FMO1: variants seen among roughly 807,000 people sequenced by gnomAD.
The protein encoded by FMO1 is flavin-containing monooxygenase 1.
In FMO1, 36 loss-of-function variants were observed where a neutral mutation model predicts 45.4. The ratio of observed to expected loss-of-function variants is 0.79; its 90% CI spans 0.61 to 1.05. FMO1 has a LOEUF of 1.05. FMO1 is among the 50% of genes least tolerant of loss of function. FMO1 has a pLI of 0.00. For synonymous variants in FMO1, 228 were observed against 227.2 expected (o/e 1.00, Z -0.03); for missense variants, 615 against 640.3 (o/e 0.96, Z 0.43).
intron 3 of FMO1, among the ~76,000 whole-genome samples, chr1:171,269,389 C>T (rs1262322939): frequency 6.6e-6 from 1 of 152,048 alleles, no homozygotes; most frequent in Non-Finnish European, 1.5e-5. Flanking sequence ...GAGATGGTCT[C>T]AGATGGAGAG....
chr1:171,272,902 G>T lies in FMO1; in HGVS notation c.322-2444G>T, dbSNP rs372736123. Among the ~76,000 whole-genome samples the T allele has an allele frequency of 5.3e-5, 8 of 152,198 alleles. No homozygotes were observed. In the East Asian group the frequency reaches 7.7e-4, roughly 15 times the overall value. On this transcript the variant is annotated intron_variant, in intron 3 of 8. Coordinates refer to ENST00000617670, the MANE Select transcript of FMO1 (RefSeq NM_001282693.2). ...ATGCTGAAATGAGTTAAGACCTTGG[G>T]GGGGAACTGTTGGGAAGGCATAATT...
At chr1:171,262,233 G>A (rs1000554353) in intron 2 of FMO1, among the ~76,000 whole-genome samples, 4 of 151,922 alleles carry the variant, frequency 2.6e-5, no homozygotes, top group Admixed American at 1.3e-4. Flanking sequence ...TCAGGAGTTC[G>A]AGACCAGCCT....
At chr1:171,270,806 G>T (rs904332340) in intron 3 of FMO1, 16 of 770,690 alleles carry the variant, frequency 2.1e-5, no homozygotes, top group Middle Eastern at 4.3e-4. Flanking sequence ...TCGGTAGTGT[G>T]TTAACTTTAT....
intron 3 of FMO1, chr1:171,270,881 T>G: frequency 1.4e-6 from 1 of 705,020 alleles, no homozygotes; most frequent in Non-Finnish European, 2.3e-6. Flanking sequence ...TTTTTTTCTT[T>G]AAAAGGAGTG....
chr1:171,264,032 C>T (rs1558007946), intron 2 of FMO1, among the ~76,000 whole-genome samples: 1 of 152,140 alleles, frequency 6.6e-6, no homozygotes, highest in Non-Finnish European at 1.5e-5. Flanking sequence ...TAGATTTTAT[C>T]CTAAGGGCTA....
At chr1:171,255,857 A>G (rs1275915203) in intron 1 of FMO1, among the ~76,000 whole-genome samples, 1 of 152,218 alleles carries the variant, frequency 6.6e-6, no homozygotes, top group South Asian at 2.1e-4. Context: ...TAGAGCCAGC[A>G]TGCTTCTGTG....
At chr1:171,283,106 C>T (rs1222062144) in intron 7 of FMO1, 38 bp from the exon 8 acceptor site, 3 of 1,105,486 alleles carry the variant, frequency 2.7e-6, no homozygotes, top group African/African-American at 3.2e-5. Flanking sequence ...TAGACCTAAA[C>T]TTAAGTTGCA....
chr1:171,280,741 C>T (rs745663159), intron 5 of FMO1, 45 bp from the exon 6 acceptor site: 9 of 1,533,470 alleles, frequency 5.9e-6, no homozygotes, highest in South Asian at 3.4e-5. Flanking sequence ...ACCAGCCAGC[C>T]GTGTTCACAG....
At chr1:171,273,632 C>T (rs563017111) in intron 3 of FMO1, among the ~76,000 whole-genome samples, 2 of 152,188 alleles carry the variant, frequency 1.3e-5, no homozygotes, top group Admixed American at 6.5e-5. Context: ...TTCAGCCTCC[C>T]CACTATTAAT....
At chr1:171,283,341 T>G in intron 8 of FMO1, 125 bp downstream of exon 8, 7 of 474,664 alleles carry the variant, frequency 1.5e-5, no homozygotes, top group Non-Finnish European at 1.8e-5. Context: ...AGATGAAAGT[T>G]ACATTGGAGA....
At chr1:171,270,926 G>A (rs1002252345) in intron 3 of FMO1, 21 of 784,914 alleles carry the variant, frequency 2.7e-5, no homozygotes, top group African/African-American at 1.7e-4. Context: ...CTTTATAGAC[G>A]AGAAAAAAAA....
chr1:171,261,088 C>T (rs1660361297), intron 2 of FMO1, among the ~76,000 whole-genome samples: 1 of 152,046 alleles, frequency 6.6e-6, no homozygotes, highest in Non-Finnish European at 1.5e-5. Context: ...GAAACACATA[C>T]AAAAGCTGAA....
At chr1:171,250,748 A>ACCCAT (rs1659848998) in intron 1 of FMO1, among the ~76,000 whole-genome samples, 2 of 152,166 alleles carry the variant, frequency 1.3e-5, no homozygotes, top group Non-Finnish European at 2.9e-5. Context: ...ACCCATTGGC[A>ACCCAT]TCTACCTTCC....
chr1:171,253,263 T>C (rs1039202107), intron 1 of FMO1, among the ~76,000 whole-genome samples: 5 of 152,214 alleles, frequency 3.3e-5, no homozygotes, highest in African/African-American at 7.2e-5. Flanking sequence ...GTTTACCCCA[T>C]GGCTCTGATT....
chr1:171,278,855 G>A lies in FMO1; in HGVS notation c.611G>A (p.Ser204Asn). Residue 204 changes from serine (S) to asparagine (N), a missense_variant, in exon 5 of 9, where the codon AGC becomes AAC. By Grantham distance (46) the Ser-to-Asn change is conservative (BLOSUM62 1). Transcript: ENST00000617670. ...GGCACAGACATTGCTGTGGAGGCCA[G>A]CCACCTGGCGGAAAAGGTACATTCC... ...NSGTDIAVEA[S>N]HLAEKVFLST... 1 of 1,611,258 alleles carries A rather than the reference G, an allele frequency of 6.2e-7. No homozygotes were observed. The highest frequency in any genetic ancestry group is 2.2e-5 in the East Asian group (1 of 44,844).
intron 2 of FMO1, among the ~76,000 whole-genome samples, chr1:171,261,072 C>T (rs1006368033): frequency 2.6e-5 from 4 of 152,020 alleles, no homozygotes; most frequent in African/African-American, 9.7e-5. Flanking sequence ...AACATGGGAC[C>T]AGTATGAAAC....
intron 1 of FMO1, among the ~76,000 whole-genome samples, chr1:171,250,195 G>A (rs72714178): frequency 6.6e-6 from 1 of 152,238 alleles, no homozygotes; most frequent in Non-Finnish European, 1.5e-5. Context: ...GCTGAGCACT[G>A]CACAACTTCT....
intron 2 of FMO1, 106 bp from the exon 3 acceptor site, chr1:171,267,437 C>A: frequency 1.5e-6 from 1 of 689,190 alleles, no homozygotes; most frequent in Non-Finnish European, 2.4e-6. Flanking sequence ...TTTCTATATT[C>A]TCCTGTGCTT....
chr1:171,282,979 A>G lies in FMO1; in HGVS notation c.1184-165A>G, dbSNP rs1401637370. 9.7e-6 allele frequency: 5 copies of G among 512,898 alleles called. No individual in the cohort carries two copies. The Admixed American group carries it at 1.2e-4, about 12-fold the overall frequency. 31.8% of individuals were successfully genotyped at this position (512,898 alleles called of 1,614,324 possible). On this transcript the variant is annotated intron_variant, in intron 7 of 8. Coordinates refer to ENST00000617670, the MANE Select transcript of FMO1 (RefSeq NM_001282693.2). ...TTCAGCTGACGGCATTATTACCAGG[A>G]GCATACAACCAGTCAGCTCAGGCTG...
Sources: gnomAD v4.1 joint callset for allele counts (sites outside exome capture counted in the v4.1 genomes callset) on GRCh38, gnomAD v4.1.1 for gene constraint, MANE v1.5 for transcripts, NCBI Gene and HGNC (gene_info 2026-07-23, HGNC 2026-07-21) for gene names.